The following DDX6 variants were observed in gnomAD, a reference collection of about 807,000 sequenced individuals.
DDX6 encodes DEAD-box helicase 6.
In DDX6, 7 loss-of-function variants were observed where a neutral mutation model predicts 60.6. The observed-to-expected ratio is 0.12, with a 90% CI of 0.07 to 0.22. The LOEUF is 0.22. Among genes scored for constraint, DDX6 ranks in the 10% least tolerant of loss-of-function variants. The pLI is 1.00. For missense variants in DDX6, 270 were observed against 589.9 expected, an observed-to-expected ratio of 0.46 and a Z score of 5.62; for synonymous variants, 207 against 201.0, an observed-to-expected ratio of 1.03 and a Z score of -0.25.
intron 2 of DDX6, among the ~76,000 whole-genome samples, chr11:118,784,297 G>A (rs1277418634): frequency 6.6e-6 from 1 of 152,028 alleles, no homozygotes; most frequent in African/African-American, 2.4e-5. Flanking sequence ...AGAGGTCCTA[G>A]TGAACCACAT....
chr11:118,778,976 C>T (rs1448633621), intron 4 of DDX6, among the ~76,000 whole-genome samples: 1 of 151,824 alleles, frequency 6.6e-6, no homozygotes, highest in African/African-American at 2.4e-5. Context: ...GATAACATAG[C>T]AAAATCCTAT....
chr11:118,791,304 C>G (rs1316041524), upstream of DDX6: 1 of 152,116 alleles, frequency 6.6e-6, no homozygotes, highest in Non-Finnish European at 1.5e-5. Flanking sequence ...GCCGCGGCGT[C>G]ACTGCCTTCC....
intron 7 of DDX6, among the ~76,000 whole-genome samples, chr11:118,761,394 A>C (rs1382810280): frequency 6.6e-6 from 1 of 152,222 alleles, no homozygotes; most frequent in African/African-American, 2.4e-5. Flanking sequence ...AGGTGGGCAG[A>C]TCACTTGAGG....
chr11:118,778,164 C>G (rs1460827766), intron 4 of DDX6, among the ~76,000 whole-genome samples: 1 of 151,958 alleles, frequency 6.6e-6, no homozygotes, highest in Non-Finnish European at 1.5e-5. Flanking sequence ...TCATCATAAC[C>G]CATCAGAGCA....
Position 118,768,215 on chromosome 11 carries a change from C to A in DDX6, c.499+8G>T, listed in dbSNP as rs901764678. 2 of 1,611,504 alleles carry A rather than the reference C, an allele frequency of 1.2e-6. No individual in the cohort carries two copies. Among genetic ancestry groups the A allele is most frequent in the African/African-American group, 2.7e-5 (2 of 74,878 alleles). On this transcript the variant is annotated splice_region_variant and intron_variant, in intron 5 of 13. Coordinates refer to ENST00000534980, the MANE Select transcript of DDX6 (RefSeq NM_004397.6). ...TTTAGTTTAAAAACAAACTTTTATT[C>A]AACTAACCTTGTATATTGTCCTTCT...
In DDX6 at chr11:118,761,917, T is replaced by A. The variant is rs186962363; in HGVS notation, c.741+1295A>T. Among the ~76,000 whole-genome samples, 900 of 149,518 alleles carry A rather than the reference T, an allele frequency of 6.0e-3. 9 individuals are homozygous for A. The highest frequency in any genetic ancestry group is 0.021 in the African/African-American group (849 of 40,846). ...GCACTTAGTGCTGGTACCCAGTGATTAATAAATGTTCTCTCTCATTACTTA... is the reference window on the plus strand; with the variant it reads ...GCACTTAGTGCTGGTACCCAGTGATAAATAAATGTTCTCTCTCATTACTTA... On this transcript the variant is annotated intron_variant, in intron 7 of 13. Transcript: ENST00000534980.
intron 6 of DDX6, among the ~76,000 whole-genome samples, chr11:118,764,427 C>T (rs1374236116): frequency 0.012 from 1 of 84 alleles, no homozygotes; most frequent in African/African-American, 0.062. Context: ...TTTTTCGGCA[C>T]GACAATACCA....
intron 4 of DDX6, among the ~76,000 whole-genome samples, chr11:118,778,474 C>T (rs977695044): frequency 6.6e-6 from 1 of 152,146 alleles, no homozygotes; most frequent in Admixed American, 6.5e-5. Flanking sequence ...GACAAAAATC[C>T]TCCCTGGTTG....
At position 118,786,036 on chromosome 11, in the gene DDX6, TTACTC is replaced by T; in HGVS notation, c.200+11_200+15del. 1 of 1,600,844 alleles carries T rather than the reference TTACTC, an allele frequency of 6.2e-7. No homozygotes were observed. Among genetic ancestry groups the T allele is most frequent in the South Asian group, 1.1e-5 (1 of 89,930 alleles). ...TTCCCCACAAGTGTTTATTAATAAT[TTACTC>T]TAACACTTACTTAATAGTGGTGGTC... is the stretch of plus-strand genomic sequence containing the variant. On this transcript the variant is annotated intron_variant, in intron 2 of 13. Coordinates refer to ENST00000534980, the MANE Select transcript of DDX6 (RefSeq NM_004397.6).
chr11:118,786,334 T>C lies in DDX6; in HGVS notation c.-83A>G, dbSNP rs1440073541. ...ACTGTAATAACAGTTTATTAGGCTC[T>C]CCAAAATGAAGAGATAAATATAAGT... is the stretch of plus-strand genomic sequence containing the variant. On this transcript the variant is annotated 5_prime_UTR_variant, in exon 2 of 14. Coordinates refer to ENST00000534980, the MANE Select transcript of DDX6 (RefSeq NM_004397.6). The C allele has an allele frequency of 6.6e-6, 8 of 1,211,000 alleles. No individual in the cohort carries two copies. The highest frequency in any genetic ancestry group is 8.1e-6 in the Non-Finnish European group (7 of 867,700). 75.0% of individuals were successfully genotyped at this position (1,211,000 alleles called of 1,614,324 possible).
At position 118,758,662 on chromosome 11, in the gene DDX6, G is replaced by C. The variant is rs1366444366; in HGVS notation, c.993+112C>G. On this transcript the variant is annotated intron_variant, in intron 9 of 13. Coordinates refer to ENST00000534980, the MANE Select transcript of DDX6 (RefSeq NM_004397.6). The stretch of plus-strand genomic sequence containing the variant: ...TGGGAGGCATGAGCCACCGTGCCAA[G>C]CCAGAAACACTACGAACTTTTATAC... The C allele has an allele frequency of 3.7e-6, 5 of 1,346,768 alleles. No individual in the cohort carries two copies. The African/African-American group carries it at 4.4e-5, about 12-fold the overall frequency. The allele number at this position is 1,346,768 out of a possible 1,614,324, so 83.4% of individuals were successfully genotyped here. A position where few individuals can be genotyped will look rare whatever the true frequency, so the allele number is the denominator to read the frequency against.
upstream of DDX6, chr11:118,791,566 G>T (rs773856713): frequency 6.6e-5 from 10 of 152,186 alleles, no homozygotes; most frequent in Non-Finnish European, 7.4e-5. Flanking sequence ...ACATGACTAA[G>T]GATATGTTTT....
rs1555164623 is a variant in DDX6, at chr11:118,781,132, T to G, written c.253A>C (p.Ile85Leu). The G allele has an allele frequency of 6.2e-7, 1 of 1,603,522 alleles. No individual in the cohort carries two copies. The highest frequency in any genetic ancestry group is 8.5e-7 in the Non-Finnish European group (1 of 1,173,298). Residue 85 changes from isoleucine to leucine, a missense_variant, in exon 3 of 14, where the codon ATC (isoleucine) becomes CTC (leucine). Coordinates refer to ENST00000534980, the MANE Select transcript of DDX6 (RefSeq NM_004397.6). ...TLKLPPKDLR[I>L]KTSDVTSTKG... ...TACAACCAACTTACCGAAGTTTTGATTCTTAGATCCTTTGGAGGGAGTTTT... is the reference window on the plus strand; with the variant it reads ...TACAACCAACTTACCGAAGTTTTGAGTCTTAGATCCTTTGGAGGGAGTTTT...
chr11:118,770,976 A>C (rs1667423513), intron 4 of DDX6, among the ~76,000 whole-genome samples: 2 of 152,174 alleles, frequency 1.3e-5, no homozygotes, highest in South Asian at 4.1e-4. Context: ...AAGGTAAAGC[A>C]AACAAAGAAG....
chr11:118,763,345 T>C, intron 6 of DDX6, 39 bp from the exon 7 acceptor site: 1 of 1,465,036 alleles, frequency 6.8e-7, no homozygotes, highest in South Asian at 1.1e-5. Context: ...TCATTAATTT[T>C]AATTTGAGCA....
chr11:118,787,541 T>TG (rs1379786626), intron 1 of DDX6: 2 of 151,350 alleles, frequency 1.3e-5, no homozygotes, highest in African/African-American at 4.9e-5. Flanking sequence ...ACACCTGTAA[T>TG]GGAGTCCCAG....
At chr11:118,754,331 C>T in intron 13 of DDX6, among the ~76,000 whole-genome samples, 1 of 152,082 alleles carries the variant, frequency 6.6e-6, no homozygotes, top group East Asian at 1.9e-4. Flanking sequence ...CTCAGGAGCC[C>T]AGGAGAACCA....
chr11:118,776,442 C>A (rs1555163615), intron 4 of DDX6, among the ~76,000 whole-genome samples: 1 of 152,122 alleles, frequency 6.6e-6, no homozygotes, highest in African/African-American at 2.4e-5. Flanking sequence ...CATGAGTTAC[C>A]TAAGTTTCAT....
chr11:118,764,704 T>A (rs1488012520), intron 6 of DDX6, among the ~76,000 whole-genome samples: 3 of 151,350 alleles, frequency 2.0e-5, no homozygotes, highest in African/African-American at 7.3e-5. Flanking sequence ...TTCAGGAGAC[T>A]GAGACAGGAG....
Sources: allele counts gnomAD v4.1 joint callset (sites outside exome capture counted in the v4.1 genomes callset), GRCh38; gene constraint gnomAD v4.1.1; transcripts MANE v1.5; gene names NCBI Gene and HGNC (gene_info 2026-07-23, HGNC 2026-07-21).